Variants in FSIP1 observed in about 807,000 individuals in gnomAD.
The protein encoded by FSIP1 is fibrous sheath interacting protein 1, also known as fibrous sheath-interacting protein 1.
Under a neutral mutation model 60.9 loss-of-function variants are expected in FSIP1, and 65 were observed. The ratio of observed to expected loss-of-function variants is 1.07; its 90% CI spans 0.87 to 1.31. FSIP1 has a LOEUF of 1.31. Ranked by LOEUF, FSIP1 falls within the 40% of genes most tolerant of loss-of-function variation. FSIP1 has a pLI of 0.00. For synonymous variants in FSIP1, 209 were observed against 221.2 expected, an observed-to-expected ratio of 0.94 and a Z score of 0.49; for missense variants, 675 against 665.5, an observed-to-expected ratio of 1.01 and a Z score of -0.16.
chr15:39,672,584 A>G (rs1273971495), intron 10 of FSIP1, among the ~76,000 whole-genome samples: 1 of 152,216 alleles, frequency 6.6e-6, no homozygotes, highest in Non-Finnish European at 1.5e-5. Context: ...AAGTGCATCC[A>G]GTATACTTGG....
chr15:39,687,136 C>CTTTTTTTT lies in FSIP1; in HGVS notation c.1188+26307_1188+26308insAAAAAAAA, dbSNP rs1491090328. Among the ~76,000 whole-genome samples the CTTTTTTTT allele has an allele frequency of 7.2e-3, 343 of 47,702 alleles. 110 individuals are homozygous for CTTTTTTTT. The highest frequency in any genetic ancestry group is 0.022 in the Middle Eastern group (1 of 46). 31.3% of individuals were successfully genotyped at this position (47,702 alleles called of 152,430 possible). On this transcript the variant is annotated intron_variant, in intron 10 of 11. Coordinates refer to ENST00000350221, the MANE Select transcript of FSIP1 (RefSeq NM_152597.5). ...CACCTTTCTTTCTTTCTTTTCTTTT[C>CTTTTTTTT]CTTTTTTTTTTTTTTTTTTTTTTTT...
intron 10 of FSIP1, among the ~76,000 whole-genome samples, chr15:39,621,867 C>G (rs1232404623): frequency 6.6e-6 from 1 of 152,224 alleles, no homozygotes. Flanking sequence ...CACGACCCAT[C>G]TTTCTCATCT....
rs565196676 is a variant in FSIP1 at position 39,720,237 on chromosome 15, A to C, written c.1050+6352T>G. On this transcript the variant is annotated intron_variant, in intron 9 of 11. Coordinates refer to ENST00000350221, the MANE Select transcript of FSIP1 (RefSeq NM_152597.5). ...GCTAATATTGAGACAGGAAGACATC[A>C]AAAAAAAATTAATTGTTGCTGTCAG... Among the ~76,000 whole-genome samples, 64 of 151,716 alleles carry C rather than the reference A, an allele frequency of 4.2e-4. 1 individual carries two copies. Among genetic ancestry groups the C allele is most frequent in the Middle Eastern group, 6.8e-3 (2 of 294 alleles).
At chr15:39,700,178 G>A (rs185864008) in intron 10 of FSIP1, among the ~76,000 whole-genome samples, 288 of 152,238 alleles carry the variant, frequency 1.9e-3, no homozygotes, top group Admixed American at 3.9e-3. Flanking sequence ...CCAAAAGCTG[G>A]CCCTTTTCCA....
chr15:39,780,811 C>A (rs191519055), intron 1 of FSIP1, among the ~76,000 whole-genome samples: 95 of 152,324 alleles, frequency 6.2e-4, no homozygotes, highest in Non-Finnish European at 1.1e-3. Flanking sequence ...TGGTCTCGAA[C>A]CCCTGACCTC....
At chr15:39,650,677 A>G (rs1892830366) in intron 10 of FSIP1, among the ~76,000 whole-genome samples, 1 of 152,212 alleles carries the variant, frequency 6.6e-6, no homozygotes, top group South Asian at 2.1e-4. Flanking sequence ...CATCTGAACA[A>G]GAAGGGAACT....
Position 39,776,387 on chromosome 15 carries a change from A to G in FSIP1, c.126+12T>C. The G allele has an allele frequency of 1.9e-6, 3 of 1,607,584 alleles. No homozygotes were observed. Among genetic ancestry groups the G allele is most frequent in the Non-Finnish European group, 2.5e-6 (3 of 1,178,176 alleles). ...GGGAAAGGAGTTTAAATCTTTTCTAAACGTAAATTACCTTGAAGGATCCTG... is the reference window on the plus strand; with the variant it reads ...GGGAAAGGAGTTTAAATCTTTTCTAGACGTAAATTACCTTGAAGGATCCTG... On this transcript the variant is annotated intron_variant, in intron 2 of 11. Coordinates refer to ENST00000350221, the MANE Select transcript of FSIP1 (RefSeq NM_152597.5).
At chr15:39,767,156 T>C (rs765231662) in intron 3 of FSIP1, among the ~76,000 whole-genome samples, 11 of 152,132 alleles carry the variant, frequency 7.2e-5, no homozygotes, top group Non-Finnish European at 1.5e-4. Context: ...ATTCCATCAT[T>C]TCCTCTTAGA....
chr15:39,663,315 A>C (rs1446449599), intron 10 of FSIP1, among the ~76,000 whole-genome samples: 2 of 152,214 alleles, frequency 1.3e-5, no homozygotes, highest in African/African-American at 4.8e-5. Flanking sequence ...CACCACAAAT[A>C]ATTGATATCA....
At chr15:39,772,465 T>C (rs1897920968) in intron 2 of FSIP1, among the ~76,000 whole-genome samples, 1 of 151,908 alleles carries the variant, frequency 6.6e-6, no homozygotes, top group African/African-American at 2.4e-5. Flanking sequence ...AGCTAATTTT[T>C]GTATTTTTTA....
chr15:39,758,083 T>C (rs1350265999), intron 5 of FSIP1, among the ~76,000 whole-genome samples: 1 of 152,094 alleles, frequency 6.6e-6, no homozygotes, highest in Admixed American at 6.6e-5. Flanking sequence ...TCAGGACTAA[T>C]CTAACATTAT....
intron 11 of FSIP1, among the ~76,000 whole-genome samples, chr15:39,607,783 C>T (rs547563429): frequency 6.6e-6 from 1 of 152,292 alleles, no homozygotes; most frequent in South Asian, 2.1e-4. Context: ...ATCAGTAATA[C>T]TTGCTATTGA....
chr15:39,737,075 C>G (rs1336285493), intron 8 of FSIP1, among the ~76,000 whole-genome samples: 1 of 152,076 alleles, frequency 6.6e-6, no homozygotes, highest in East Asian at 1.9e-4. Flanking sequence ...CCATCATGTC[C>G]TTATTAAATG....
rs544447678 is a variant in FSIP1, at chr15:39,726,366, G to C, written c.1050+223C>G. 2.0e-5 allele frequency among the ~76,000 whole-genome samples: 3 copies of C among 152,168 alleles called. No homozygotes were observed. In the East Asian group the frequency reaches 5.8e-4, roughly 29 times the overall value. On this transcript the variant is annotated intron_variant, in intron 9 of 11. Transcript: ENST00000350221. ...TGATCGAGATTTAGCTTAAATCATA[G>C]AGATATAATAATATTAAAAGAAATA...
intron 10 of FSIP1, among the ~76,000 whole-genome samples, chr15:39,626,741 C>T (rs1160629577): frequency 6.6e-6 from 1 of 152,124 alleles, no homozygotes; most frequent in Non-Finnish European, 1.5e-5. Flanking sequence ...TTCCTAAGGC[C>T]TCCCCAGCCA....
intron 9 of FSIP1, among the ~76,000 whole-genome samples, chr15:39,720,789 G>T (rs1895929418): frequency 1.3e-5 from 2 of 152,232 alleles, no homozygotes; most frequent in Admixed American, 1.3e-4. Context: ...GAACTGATTT[G>T]TTGAGGGTTA....
intron 1 of FSIP1, among the ~76,000 whole-genome samples, chr15:39,777,454 CA>C (rs1409846323): frequency 1.3e-5 from 2 of 152,228 alleles, no homozygotes; most frequent in Admixed American, 6.5e-5. Flanking sequence ...TCTGGCTACA[CA>C]TTACCAATCT....
intron 10 of FSIP1, among the ~76,000 whole-genome samples, chr15:39,636,963 C>T (rs1232600376): frequency 1.3e-5 from 2 of 152,188 alleles, no homozygotes; most frequent in East Asian, 3.8e-4. Flanking sequence ...CACACCAGCC[C>T]AGTTTTTCAA....
intron 5 of FSIP1, among the ~76,000 whole-genome samples, chr15:39,749,263 C>CAGAAAAAAAAAAAAAA (rs1897091461): frequency 2.0e-5 from 2 of 98,326 alleles, no homozygotes; most frequent in South Asian, 3.0e-4. Context: ...TAAACTCTTC[C>CAGAAAAAAAAAAAAAA]AAAAAAAAAA....
Sources: allele counts gnomAD v4.1 joint callset (sites outside exome capture counted in the v4.1 genomes callset), GRCh38; gene constraint gnomAD v4.1.1; transcripts MANE v1.5; gene names NCBI Gene and HGNC (gene_info 2026-07-23, HGNC 2026-07-21).